The following SFSWAP variants were observed in gnomAD, a reference collection of about 807,000 sequenced individuals.
SFSWAP encodes the protein splicing factor, suppressor of white-apricot homolog.
Under a neutral mutation model 100.7 loss-of-function variants are expected in SFSWAP, and 17 were observed. That is an observed-to-expected ratio of 0.17 (90% CI 0.12 to 0.25). The LOEUF is 0.25. Ranked by LOEUF, SFSWAP falls within the 10% of genes least tolerant of loss-of-function variation. The pLI is 1.00. For synonymous variants in SFSWAP, 504 were observed against 510.1 expected (o/e 0.99, Z 0.16); for missense variants, 1,005 against 1,262.6 (o/e 0.80, Z 3.09).
chr12:131,713,133 G>A (rs906543628), intron 1 of SFSWAP: 30 of 151,954 alleles, frequency 2.0e-4, no homozygotes, highest in African/African-American at 6.8e-4. Flanking sequence ...AAAAAAATAA[G>A]CAGACTTTTG....
At chr12:131,791,701 A>C (rs565272400) in intron 15 of SFSWAP, among the ~76,000 whole-genome samples, 1 of 152,356 alleles carries the variant, frequency 6.6e-6, no homozygotes, top group South Asian at 2.1e-4. Flanking sequence ...GCAGTGAGCC[A>C]AGATTGCGTT....
chr12:131,749,040 C>T (rs142775746), intron 7 of SFSWAP, among the ~76,000 whole-genome samples: 132 of 152,336 alleles, frequency 8.7e-4, no homozygotes, highest in Middle Eastern at 3.4e-3. Flanking sequence ...ATGCAATTTG[C>T]ATTCAGTAGA....
At chr12:131,784,026 C>T (rs1183541812) in intron 14 of SFSWAP, 1 of 151,896 alleles carries the variant, frequency 6.6e-6, no homozygotes, top group African/African-American at 2.4e-5. Context: ...AGCGATGACT[C>T]ATCTCCTAAT....
intron 7 of SFSWAP, among the ~76,000 whole-genome samples, chr12:131,741,241 C>G (rs1880597554): frequency 6.6e-6 from 1 of 152,116 alleles, no homozygotes; most frequent in Non-Finnish European, 1.5e-5. Flanking sequence ...GCTGGGATTA[C>G]AGGCGCAAGC....
chr12:131,785,004 C>G, intron 14 of SFSWAP: 1 of 1,293,648 alleles, frequency 7.7e-7, no homozygotes, highest in Non-Finnish European at 1.0e-6. Flanking sequence ...GAGCTTTTTT[C>G]AGAGTTCTGG....
At position 131,734,719 on chromosome 12, in the gene SFSWAP, C is replaced by G. The variant is rs1167103194; in HGVS notation, c.1081+6291C>G. Among the ~76,000 whole-genome samples, 1 of 152,214 alleles carries G rather than the reference C, an allele frequency of 6.6e-6. No homozygotes were observed. The highest frequency in any genetic ancestry group is 1.9e-4 in the East Asian group (1 of 5,198). ...TGAAGAGCAGAAGTTCCAAAAGCAC[C>G]TGGTGCTTCCTGGGAGAAGTCACCT... On this transcript the variant is annotated intron_variant, in intron 7 of 17. Coordinates refer to ENST00000261674, the MANE Select transcript of SFSWAP (RefSeq NM_004592.4). This position sits in a 1 kb window ranked among gnomAD's most constrained non-coding sequence, Gnocchi z 4.9.
chr12:131,750,947 T>G (rs187298381), intron 7 of SFSWAP, among the ~76,000 whole-genome samples: 124 of 152,344 alleles, frequency 8.1e-4, no homozygotes, highest in African/African-American at 2.8e-3. Flanking sequence ...GTGCTGGGAT[T>G]ATAGGTGTGA....
At chr12:131,765,942 CA>C (rs1299452527) in intron 12 of SFSWAP, among the ~76,000 whole-genome samples, 175 bp from the exon 13 acceptor site, 2 of 151,898 alleles carry the variant, frequency 1.3e-5, no homozygotes, top group Non-Finnish European at 2.9e-5. Flanking sequence ...GTAAAATGTC[CA>C]AAAAAGGGCA....
chr12:131,750,908 G>C (rs900858891), intron 7 of SFSWAP, among the ~76,000 whole-genome samples: 1 of 152,252 alleles, frequency 6.6e-6, no homozygotes. Context: ...GCCCAGGCCT[G>C]AAGCATCCTC....
rs546885264 is a variant in SFSWAP at position 131,723,557 on chromosome 12, G to A, written c.607-1848G>A. Among the ~76,000 whole-genome samples the A allele has an allele frequency of 1.9e-3, 289 of 152,300 alleles. 4 individuals are homozygous for A. The highest frequency in any genetic ancestry group is 6.7e-3 in the African/African-American group (278 of 41,562). On this transcript the variant is annotated intron_variant, in intron 4 of 17. Coordinates refer to ENST00000261674, the MANE Select transcript of SFSWAP (RefSeq NM_004592.4). ...TTACTTAGGGCTCTGGGCAAAGCAG[G>A]TATTTGATTTTTTTTCTCCCCTAAC... is the stretch of plus-strand genomic sequence containing the variant.
At chr12:131,719,181 G>A (rs1026106034) in intron 3 of SFSWAP, among the ~76,000 whole-genome samples, 7 of 152,218 alleles carry the variant, frequency 4.6e-5, no homozygotes, top group South Asian at 2.1e-4. Context: ...AGTCCCCTGC[G>A]TATACCAAGG....
At chr12:131,797,570 A>G (rs1037681598) in intron 16 of SFSWAP, among the ~76,000 whole-genome samples, 1 of 152,236 alleles carries the variant, frequency 6.6e-6, no homozygotes, top group African/African-American at 2.4e-5. Context: ...CAGGTCCTGT[A>G]CTGGGGAGAC....
chr12:131,741,191 C>T (rs1476132270), intron 7 of SFSWAP, among the ~76,000 whole-genome samples: 1 of 151,830 alleles, frequency 6.6e-6, no homozygotes, highest in Admixed American at 6.6e-5. Flanking sequence ...AGGCTGGGAA[C>T]TCCTGACCTC....
chr12:131,793,159 G>A (rs1265574766), intron 15 of SFSWAP, among the ~76,000 whole-genome samples: 1 of 151,818 alleles, frequency 6.6e-6, no homozygotes, highest in East Asian at 1.9e-4. Context: ...GTGTGATCTC[G>A]ACTCAGCCCG....
intron 15 of SFSWAP, among the ~76,000 whole-genome samples, chr12:131,791,263 C>T (rs1885207558): frequency 6.6e-6 from 1 of 152,108 alleles, no homozygotes; most frequent in Non-Finnish European, 1.5e-5. Context: ...GTGGCAAGTG[C>T]CTGTAATCCC....
rs1292476431 is a variant in SFSWAP at position 131,755,610 on chromosome 12, G to A, written c.1548+131G>A. 21 of 644,686 alleles carry A rather than the reference G, an allele frequency of 3.3e-5. No individual in the cohort carries two copies. In the East Asian group the frequency reaches 5.7e-4, roughly 17 times the overall value. 39.9% of individuals were successfully genotyped at this position (644,686 alleles called of 1,614,324 possible). Reference sequence around the variant, plus strand: ...GATTCTTCACCTTTTTTTAATGTGTGTCTGGCATACTCCATCTTTCACGTC... The same window carrying A: ...GATTCTTCACCTTTTTTTAATGTGTATCTGGCATACTCCATCTTTCACGTC... On this transcript the variant is annotated intron_variant, in intron 10 of 17. Transcript: ENST00000261674.
At position 131,792,889 on chromosome 12, in the gene SFSWAP, C is replaced by G. The variant is rs116146674; in HGVS notation, c.2535-4289C>G. On this transcript the variant is annotated intron_variant, in intron 15 of 17. Transcript: ENST00000261674. Reference sequence around the variant, plus strand: ...GTGGAAATGCAGATGACCTGGGAGACCCAAAACAACCTCCTTGACAAAGAG... The same window carrying G: ...GTGGAAATGCAGATGACCTGGGAGAGCCAAAACAACCTCCTTGACAAAGAG... 6.7e-3 allele frequency among the ~76,000 whole-genome samples: 1,021 copies of G among 152,210 alleles called. 14 individuals are homozygous for G. The highest frequency in any genetic ancestry group is 0.023 in the African/African-American group (971 of 41,520).
chr12:131,745,132 A>G (rs1880994501), intron 7 of SFSWAP, among the ~76,000 whole-genome samples: 1 of 152,254 alleles, frequency 6.6e-6, no homozygotes, highest in Non-Finnish European at 1.5e-5. Context: ...GATGAGCCAA[A>G]TAATAAATGC....
At chr12:131,797,719 G>C (rs1443971189) in intron 16 of SFSWAP, among the ~76,000 whole-genome samples, 1 of 152,116 alleles carries the variant, frequency 6.6e-6, no homozygotes, top group East Asian at 1.9e-4. Context: ...AGGCTGCCGT[G>C]GCTGGAGCAG....
Sources: allele counts gnomAD v4.1 joint callset (sites outside exome capture counted in the v4.1 genomes callset), GRCh38; gene constraint gnomAD v4.1.1; non-coding constraint Gnocchi (gnomAD v3.1); transcripts MANE v1.5; gene names NCBI Gene and HGNC (gene_info 2026-07-23, HGNC 2026-07-21).